The following CACNA1C variants were observed in gnomAD, a reference collection of about 807,000 sequenced individuals.
The protein encoded by CACNA1C is voltage-dependent L-type calcium channel subunit alpha-1C.
In CACNA1C, 30 loss-of-function variants were observed where a neutral mutation model predicts 229.0. The observed-to-expected ratio is 0.13, with a 90% CI of 0.10 to 0.18. The LOEUF (loss-of-function observed/expected upper bound fraction) is 0.18. Among genes scored for constraint, CACNA1C ranks in the 10% least tolerant of loss-of-function variants. The pLI is 1.00. For synonymous variants in CACNA1C, 1,114 were observed against 1,132.5 expected (o/e 0.98, Z 0.33); for missense variants, 1,658 against 2,845.0 (o/e 0.58, Z 9.49).
chr12:2,132,050 T>G (rs1357790978), intron 3 of CACNA1C, among the ~76,000 whole-genome samples: 1 of 60,396 alleles, frequency 1.7e-5, no homozygotes, highest in Admixed American at 1.4e-4. Context: ...CCTAGGTATT[T>G]TATTCTCTTT....
rs2067968277 is a variant in CACNA1C at position 2,595,966 on chromosome 12, C to T, written c.2756C>T (p.Ala919Val). 1.9e-6 allele frequency: 3 copies of T among 1,613,528 alleles called. No homozygotes were observed. The highest frequency in any genetic ancestry group is 2.5e-6 in the Non-Finnish European group (3 of 1,179,786). Residue 919 changes from alanine to valine, a missense_variant, in exon 20 of 47, where the codon GCT becomes GTT. This residue lies in a region of CACNA1C where 52 missense variants were observed against 99.0 expected (regional missense o/e 0.53). Coordinates refer to ENST00000399655, the MANE Select transcript of CACNA1C (RefSeq NM_000719.7). The surrounding 1 kb of genome is among the most constrained non-coding windows in gnomAD (Gnocchi z 4.1). ...CTGCTCAGCAGCATTTCCCTGGCTG[C>T]TGAGGACCCGGTCCAGCACACCTCC... ...FILLSSISLA[A>V]EDPVQHTSFR...
chr12:2,560,336 C>T (rs766502119), intron 11 of CACNA1C, among the ~76,000 whole-genome samples: 1 of 152,302 alleles, frequency 6.6e-6, no homozygotes, highest in Non-Finnish European at 1.5e-5. Context: ...CTCAAACTGG[C>T]CTTTTCCTTT....
rs112170830 is a variant in CACNA1C, at chr12:2,581,761, C to T, written c.2067C>T (p.Phe689=). Residue 689 remains phenylalanine (F), a synonymous_variant, in exon 14 of 47, where the codon TTC becomes TTT. Transcript: ENST00000399655. ...FDEMQTRRST[F]DNFPQSLLTV... ...AGATGCAGACCCGGAGGAGCACATT[C>T]GATAACTTCCCCCAGTCCCTCCTCA... 303 of 1,612,234 alleles carry T rather than the reference C, an allele frequency of 1.9e-4. No homozygotes were observed. The highest frequency in any genetic ancestry group is 5.0e-4 in the Middle Eastern group (3 of 6,044).
intron 45 of CACNA1C, 60 bp from the exon 46 acceptor site, chr12:2,688,387 G>C: frequency 6.6e-7 from 1 of 1,507,196 alleles, no homozygotes; most frequent in East Asian, 2.3e-5. Flanking sequence ...TCAGAAGCAG[G>C]GGCCTGCCTT....
intron 1 of CACNA1C, among the ~76,000 whole-genome samples, chr12:2,077,232 G>A (rs943110952): frequency 6.6e-6 from 1 of 152,178 alleles, no homozygotes; most frequent in Non-Finnish European, 1.5e-5. Flanking sequence ...TCATAATGGG[G>A]TATCCCACAT....
chr12:1,993,455 G>A, intron 1 of CACNA1C: 7 of 1,565,436 alleles, frequency 4.5e-6, no homozygotes, highest in Non-Finnish European at 6.1e-6. Flanking sequence ...TATATTTTCA[G>A]TATAAGTACA....
intron 3 of CACNA1C, among the ~76,000 whole-genome samples, chr12:2,231,616 G>A (rs956168078): frequency 4.6e-5 from 7 of 152,124 alleles, no homozygotes; most frequent in Non-Finnish European, 1.0e-4. Flanking sequence ...AAATCAGAGC[G>A]GAGATCAGAA....
At chr12:2,386,933 T>C (rs538549098) in intron 3 of CACNA1C, among the ~76,000 whole-genome samples, 1 of 152,330 alleles carries the variant, frequency 6.6e-6, no homozygotes, top group East Asian at 1.9e-4. Flanking sequence ...GAAGAGTAAA[T>C]TACTGCCATT....
At chr12:2,220,351 A>G (rs1318501937) in intron 3 of CACNA1C, among the ~76,000 whole-genome samples, 6 of 152,198 alleles carry the variant, frequency 3.9e-5, no homozygotes, top group South Asian at 2.1e-4. Flanking sequence ...CACCAGCTAC[A>G]GTGCTGGCTC....
intron 1 of CACNA1C, among the ~76,000 whole-genome samples, chr12:2,023,886 T>G (rs1353088150): frequency 1.3e-5 from 2 of 152,338 alleles, no homozygotes; most frequent in East Asian, 3.9e-4. Flanking sequence ...TCATTCAGAT[T>G]ATGAATGCCT....
At chr12:2,230,073 AG>A (rs2064360338) in intron 3 of CACNA1C, among the ~76,000 whole-genome samples, 1 of 152,108 alleles carries the variant, frequency 6.6e-6, no homozygotes, top group Non-Finnish European at 1.5e-5. Flanking sequence ...TAGAGGCGGA[AG>A]GGGAAGAAGG....
intron 13 of CACNA1C, among the ~76,000 whole-genome samples, chr12:2,574,664 C>T (rs1416697632): frequency 6.6e-6 from 1 of 152,238 alleles, no homozygotes; most frequent in Non-Finnish European, 1.5e-5. Context: ...TCTCCATGTC[C>T]CTACCAGCAT....
At chr12:1,998,067 T>C in intron 1 of CACNA1C, 1 of 1,172,508 alleles carries the variant, frequency 8.5e-7, no homozygotes, top group Non-Finnish European at 1.2e-6. Flanking sequence ...GAATTATATA[T>C]AACTTCAATG....
chr12:2,612,907 GA>G (rs1271064085), intron 29 of CACNA1C: 4 of 152,354 alleles, frequency 2.6e-5, no homozygotes, highest in Admixed American at 2.6e-4. Flanking sequence ...GGAGAAGGAT[GA>G]GAAGGAACGA....
At chr12:2,266,399 C>A (rs1295009637) in intron 3 of CACNA1C, among the ~76,000 whole-genome samples, 1 of 152,226 alleles carries the variant, frequency 6.6e-6, no homozygotes, top group Admixed American at 6.5e-5. Context: ...CATGCTGCAA[C>A]CTCCAACACC....
At position 2,677,836 on chromosome 12, in the gene CACNA1C, T is replaced by A. The variant is rs776476466; in HGVS notation, c.5060T>A (p.Val1687Glu). ...EELDKAMKEA[V>E]SAASEDDIFR... Reference sequence around the variant, plus strand: ...CTGGACAAGGCCATGAAGGAGGCTGTGTCCGCTGCTTCTGAAGATGACATC... The same window carrying A: ...CTGGACAAGGCCATGAAGGAGGCTGAGTCCGCTGCTTCTGAAGATGACATC... Residue 1687 changes from valine to glutamate, a missense_variant, in exon 41 of 47, where the codon GTG becomes GAG. Val to Glu is a moderately radical substitution (Grantham distance 121). Transcript: ENST00000399655. This position sits in a 1 kb window ranked among gnomAD's most constrained non-coding sequence, Gnocchi z 7.4. 1 of 1,614,018 alleles carries A rather than the reference T, an allele frequency of 6.2e-7. No individual in the cohort carries two copies.
chr12:2,230,375 G>T (rs1412015960), intron 3 of CACNA1C, among the ~76,000 whole-genome samples: 1 of 152,194 alleles, frequency 6.6e-6, no homozygotes, highest in Non-Finnish European at 1.5e-5. Flanking sequence ...AGGAGCAATG[G>T]CGGTCCCGGA....
intron 7 of CACNA1C, among the ~76,000 whole-genome samples, chr12:2,498,769 C>T (rs747420231): frequency 6.6e-5 from 10 of 152,222 alleles, no homozygotes; most frequent in African/African-American, 9.6e-5. Context: ...CTGGGGAAAG[C>T]AAGCTTTGTC....
rs3085990 is a variant in CACNA1C at position 2,067,481 on chromosome 12, T to TGTGTGCGTGTGC, written c.49+13871_49+13872insTGTGCGTGTGCG. Among the ~76,000 whole-genome samples, 1 of 140,778 alleles carries TGTGTGCGTGTGC rather than the reference T, an allele frequency of 7.1e-6. No homozygotes were observed. Among genetic ancestry groups the TGTGTGCGTGTGC allele is most frequent in the Admixed American group, 6.9e-5 (1 of 14,450 alleles). The allele number at this position is 140,778 out of a possible 152,430, so 92.4% of individuals were successfully genotyped here. A position where few individuals can be genotyped will look rare whatever the true frequency, so the allele number is the denominator to read the frequency against. ...GTGTGTGTGTGTGTGTGTGTGTGTG[T>TGTGTGCGTGTGC]GCGCGCGTGTGCGTGCCTGTATGTA... On this transcript the variant is annotated intron_variant, in intron 1 of 46. Transcript: ENST00000399655. The surrounding 1 kb of genome is among the most constrained non-coding windows in gnomAD (Gnocchi z 5.3).
Sources: allele counts gnomAD v4.1 joint callset (sites outside exome capture counted in the v4.1 genomes callset), GRCh38; gene constraint gnomAD v4.1.1; regional missense constraint gnomAD v4.1.1; non-coding constraint Gnocchi (gnomAD v3.1); transcripts MANE v1.5; gene names NCBI Gene and HGNC (gene_info 2026-07-23, HGNC 2026-07-21).